The following MACROD2 variants were observed in gnomAD, a reference collection of about 807,000 sequenced individuals.
MACROD2 encodes the protein mono-ADP ribosylhydrolase 2.
A neutral mutation model predicts 70.4 loss-of-function variants in MACROD2; 36 were observed. The ratio of observed to expected loss-of-function variants is 0.51; its 90% CI spans 0.39 to 0.68. MACROD2 has a LOEUF of 0.68. Among genes scored for constraint, MACROD2 ranks in the 30% least tolerant of loss-of-function variants. The pLI is 0.00. For synonymous variants in MACROD2, 172 were observed against 178.8 expected (o/e 0.96, Z 0.30); for missense variants, 496 against 538.4 (o/e 0.92, Z 0.78).
At chr20:14,756,672 T>C (rs2071944445) in intron 5 of MACROD2, among the ~76,000 whole-genome samples, 1 of 152,110 alleles carries the variant, frequency 6.6e-6, no homozygotes, top group Non-Finnish European at 1.5e-5. Flanking sequence ...TGAAAATATT[T>C]CTAACAAATA....
intron 4 of MACROD2, among the ~76,000 whole-genome samples, chr20:14,510,184 C>T (rs1174339487): frequency 6.6e-6 from 1 of 152,020 alleles, no homozygotes; most frequent in Non-Finnish European, 1.5e-5. Context: ...GCGTTTGGAA[C>T]TAGCTCAAGG....
chr20:16,040,646 A>G (rs1024171692), intron 15 of MACROD2, among the ~76,000 whole-genome samples: 1 of 151,990 alleles, frequency 6.6e-6, no homozygotes, highest in Non-Finnish European at 1.5e-5. Flanking sequence ...AAGGAAATCT[A>G]CTGACGACTA....
intron 8 of MACROD2, among the ~76,000 whole-genome samples, chr20:15,538,519 A>G (rs1036432079): frequency 6.6e-6 from 1 of 152,238 alleles, no homozygotes; most frequent in Non-Finnish European, 1.5e-5. Context: ...TGAGATGCTC[A>G]TCAGATTTCC....
intron 8 of MACROD2, among the ~76,000 whole-genome samples, chr20:15,817,423 T>G (rs949144100): frequency 4.6e-5 from 7 of 152,174 alleles, no homozygotes; most frequent in African/African-American, 1.7e-4. Context: ...AAAAAATTAG[T>G]TCTTCAGAGC....
At chr20:15,992,057 A>C (rs1252212658) in intron 15 of MACROD2, among the ~76,000 whole-genome samples, 1 of 152,216 alleles carries the variant, frequency 6.6e-6, no homozygotes, top group East Asian at 1.9e-4. Flanking sequence ...AAAACATAGA[A>C]GAATAAAAGG....
chr20:14,729,328 C>CTAGA (rs1243175351), intron 5 of MACROD2, among the ~76,000 whole-genome samples: 1 of 152,132 alleles, frequency 6.6e-6, no homozygotes, highest in East Asian at 1.9e-4. Flanking sequence ...ATTGACTAGA[C>CTAGA]TAGATATGTT....
At chr20:14,771,026 T>C (rs1332897890) in intron 5 of MACROD2, among the ~76,000 whole-genome samples, 2 of 152,124 alleles carry the variant, frequency 1.3e-5, no homozygotes, top group Non-Finnish European at 2.9e-5. Flanking sequence ...GAGATTAGCA[T>C]TGGAATCAGC....
At chr20:14,752,926 A>T (rs2071893075) in intron 5 of MACROD2, among the ~76,000 whole-genome samples, 1 of 152,102 alleles carries the variant, frequency 6.6e-6, no homozygotes, top group South Asian at 2.1e-4. Flanking sequence ...GTCTGATTTC[A>T]TAGCACATCT....
At chr20:15,040,582 T>G (rs1490550127) in intron 5 of MACROD2, among the ~76,000 whole-genome samples, 1 of 152,152 alleles carries the variant, frequency 6.6e-6, no homozygotes, top group South Asian at 2.1e-4. Flanking sequence ...GGTCTTTATC[T>G]CATGTTTCAT....
chr20:14,327,240 G>A (rs1297781287), intron 3 of MACROD2: 4 of 1,613,592 alleles, frequency 2.5e-6, no homozygotes, highest in Admixed American at 1.7e-5. Flanking sequence ...TGTGGTATAG[G>A]TATATTCTTT....
At chr20:14,747,165 C>T (rs2071810051) in intron 5 of MACROD2, among the ~76,000 whole-genome samples, 1 of 152,146 alleles carries the variant, frequency 6.6e-6, no homozygotes, top group Admixed American at 6.6e-5. Context: ...AGAGCTCATT[C>T]TTCTATAGCA....
chr20:14,835,411 C>T (rs1347443509), intron 5 of MACROD2, among the ~76,000 whole-genome samples: 1 of 152,020 alleles, frequency 6.6e-6, no homozygotes, highest in Non-Finnish European at 1.5e-5. Context: ...AACTGAAGTA[C>T]CCTATTTAGA....
chr20:14,147,262 G>C (rs2054954569), intron 3 of MACROD2, among the ~76,000 whole-genome samples: 1 of 152,114 alleles, frequency 6.6e-6, no homozygotes, highest in East Asian at 1.9e-4. Context: ...TAATAATCAG[G>C]ATTTAAACTC....
At chr20:14,529,800 C>T (rs767094138) in intron 4 of MACROD2, among the ~76,000 whole-genome samples, 17 of 152,142 alleles carry the variant, frequency 1.1e-4, no homozygotes, top group Admixed American at 7.9e-4. Flanking sequence ...CAAATATGAG[C>T]TCTCATTTTT....
chr20:15,806,261 T>G (rs1217162700), intron 8 of MACROD2, among the ~76,000 whole-genome samples: 1 of 152,176 alleles, frequency 6.6e-6, no homozygotes, highest in East Asian at 1.9e-4. Flanking sequence ...TCAGAATCTG[T>G]TTAACAATTG....
At chr20:14,819,298 C>G (rs541855606) in intron 5 of MACROD2, among the ~76,000 whole-genome samples, 1 of 151,038 alleles carries the variant, frequency 6.6e-6, no homozygotes, top group African/African-American at 2.4e-5. Flanking sequence ...AAACAAAAAA[C>G]CCCCAAAAAA....
At chr20:14,376,708 C>G (rs2083374278) in intron 3 of MACROD2, among the ~76,000 whole-genome samples, 1 of 150,880 alleles carries the variant, frequency 6.6e-6, no homozygotes, top group African/African-American at 2.4e-5. Flanking sequence ...TATGATCATG[C>G]CACTGCACTC....
intron 5 of MACROD2, among the ~76,000 whole-genome samples, chr20:15,073,555 T>C (rs1440291415): frequency 1.3e-5 from 2 of 148,398 alleles, no homozygotes; most frequent in Admixed American, 6.8e-5. Context: ...TTGGAAAAAA[T>C]GCTTTAGAGA....
chr20:14,051,721 T>A, intron 2 of MACROD2: 1 of 390,092 alleles, frequency 2.6e-6, no homozygotes, highest in Non-Finnish European at 5.0e-6. Context: ...ATTCAAAAGG[T>A]ATATCCTGGT....
Sources: gnomAD v4.1 joint callset for allele counts (sites outside exome capture counted in the v4.1 genomes callset) on GRCh38, gnomAD v4.1.1 for gene constraint, MANE v1.5 for transcripts, NCBI Gene and HGNC (gene_info 2026-07-23, HGNC 2026-07-21) for gene names.